GMDS: variants seen among roughly 807,000 people sequenced by gnomAD.
The protein encoded by GMDS is GDP-mannose 4,6 dehydratase.
GMDS carries 20 observed loss-of-function variants against 49.9 expected under a neutral mutation model. The observed-to-expected ratio is 0.40, with a 90% CI of 0.28 to 0.58. The LOEUF (loss-of-function observed/expected upper bound fraction) is 0.58, where lower values mean the gene tolerates loss of function less well. Among genes scored for constraint, GMDS ranks in the 20% least tolerant of loss-of-function variants. The pLI is 0.42. For missense variants in GMDS, 362 were observed against 481.4 expected (o/e 0.75, Z 2.32); for synonymous variants, 177 against 178.6 (o/e 0.99, Z 0.07).
intron 7 of GMDS, among the ~76,000 whole-genome samples, chr6:1,760,430 T>C (rs3800037): frequency 0.52 from 78,978 of 151,922 alleles, 20,689 homozygotes; most frequent in East Asian, 0.66. Context: ...AGCCAGCCAC[T>C]AAAATGATGG....
chr6:2,195,621 ATTT>A (rs1779243256), intron 1 of GMDS, among the ~76,000 whole-genome samples: 1 of 152,152 alleles, frequency 6.6e-6, no homozygotes, highest in East Asian at 1.9e-4. Flanking sequence ...TTACATGTTG[ATTT>A]CTTAGGTATT....
intron 1 of GMDS, among the ~76,000 whole-genome samples, chr6:2,178,855 T>C (rs1224898812): frequency 2.0e-5 from 3 of 152,220 alleles, no homozygotes; most frequent in African/African-American, 7.2e-5. Flanking sequence ...GATATTCTGA[T>C]GCCAAAACAT....
chr6:1,673,364 A>G lies in GMDS; in HGVS notation c.988-48824T>C, dbSNP rs1419914995. On this transcript the variant is annotated intron_variant, in intron 9 of 10. Coordinates refer to ENST00000380815, the MANE Select transcript of GMDS (RefSeq NM_001500.4). Reference sequence around the variant, plus strand: ...GACTTCTCCTCAGTTAGGTTACCAAAGGGCTTTTTTTTTTTTTAAATAGAC... The same window carrying G: ...GACTTCTCCTCAGTTAGGTTACCAAGGGGCTTTTTTTTTTTTTAAATAGAC... Among the ~76,000 whole-genome samples the G allele has an allele frequency of 4.3e-5, 6 of 140,762 alleles. No homozygotes were observed. In the East Asian group the frequency reaches 1.4e-3, roughly 34 times the overall value. 92.3% of individuals were successfully genotyped at this position (140,762 alleles called of 152,430 possible).
In GMDS at chr6:2,058,993, C is replaced by T. The variant is rs142602027; in HGVS notation, c.345+56778G>A. Among the ~76,000 whole-genome samples the T allele has an allele frequency of 4.8e-3, 733 of 151,876 alleles. 1 individual carries two copies. The highest frequency in any genetic ancestry group is 0.01 in the Middle Eastern group (3 of 294). On this transcript the variant is annotated intron_variant, in intron 4 of 10. Coordinates refer to ENST00000380815, the MANE Select transcript of GMDS (RefSeq NM_001500.4). ...GAGTTCAACACCAGCCTGGCCAACA[C>T]GGTGAAACCCCATCTCTACTAAAAA...
In GMDS at chr6:2,123,373, C is replaced by T. The variant is rs146131545; in HGVS notation, c.147+1314G>A. On this transcript the variant is annotated intron_variant, in intron 2 of 10. Transcript: ENST00000380815. Reference sequence around the variant, plus strand: ...AGCATCACTTCTGACATGCCTGACACGCCACCTCACTCTTCACAAGTGCAG... The same window carrying T: ...AGCATCACTTCTGACATGCCTGACATGCCACCTCACTCTTCACAAGTGCAG... 9.8e-3 allele frequency among the ~76,000 whole-genome samples: 1,486 copies of T among 152,208 alleles called. 89 individuals carry two copies. The highest frequency in any genetic ancestry group is 0.086 in the Admixed American group (1,316 of 15,298).
At chr6:1,996,494 T>C (rs1766289272) in intron 4 of GMDS, among the ~76,000 whole-genome samples, 1 of 152,248 alleles carries the variant, frequency 6.6e-6, no homozygotes. Context: ...TGAAGGTTTA[T>C]TTCTCTTTCA....
At chr6:1,730,747 C>T (rs988095941) in intron 8 of GMDS, among the ~76,000 whole-genome samples, 2 of 152,092 alleles carry the variant, frequency 1.3e-5, no homozygotes, top group Non-Finnish European at 2.9e-5. Flanking sequence ...TAAAAGGCCC[C>T]GTCAAGTCCT....
intron 4 of GMDS, among the ~76,000 whole-genome samples, chr6:2,067,721 G>C (rs918880736): frequency 2.0e-5 from 3 of 152,144 alleles, no homozygotes; most frequent in African/African-American, 7.2e-5. Flanking sequence ...CCAGGAAGAA[G>C]TTGAATCTCT....
At chr6:2,051,206 CT>C (rs1203940066) in intron 4 of GMDS, among the ~76,000 whole-genome samples, 2 of 152,204 alleles carry the variant, frequency 1.3e-5, no homozygotes, top group African/African-American at 4.8e-5. Flanking sequence ...ACATTCTCCC[CT>C]GGAGCCTCTA....
intron 1 of GMDS, among the ~76,000 whole-genome samples, chr6:2,172,528 T>C (rs530524524): frequency 5.9e-5 from 9 of 152,104 alleles, no homozygotes; most frequent in Admixed American, 5.9e-4. Context: ...CCATCTCTAC[T>C]AAAAATACCA....
At chr6:1,797,846 T>C (rs1769799427) in intron 7 of GMDS, among the ~76,000 whole-genome samples, 2 of 152,192 alleles carry the variant, frequency 1.3e-5, no homozygotes, top group Admixed American at 1.3e-4. Flanking sequence ...TCCTCTATAA[T>C]TACCAGATCC....
intron 7 of GMDS, among the ~76,000 whole-genome samples, chr6:1,782,809 T>C (rs1235447568): frequency 6.6e-6 from 1 of 152,252 alleles, no homozygotes; most frequent in Non-Finnish European, 1.5e-5. Flanking sequence ...TGAACTTGTC[T>C]AATTCTCAGA....
chr6:1,641,523 G>A (rs1173455942), intron 9 of GMDS, among the ~76,000 whole-genome samples: 3 of 152,234 alleles, frequency 2.0e-5, no homozygotes, highest in African/African-American at 7.2e-5. Flanking sequence ...AGAACCTGAA[G>A]GGCCACTGCG....
At chr6:2,175,691 C>T (rs1778249768) in intron 1 of GMDS, among the ~76,000 whole-genome samples, 2 of 152,190 alleles carry the variant, frequency 1.3e-5, no homozygotes, top group Admixed American at 6.5e-5. Context: ...GGTTTTAATA[C>T]ACGTACAAAG....
Position 2,170,766 on chromosome 6 carries a change from C to T in GMDS, c.103-46035G>A, listed in dbSNP as rs562104842. Among the ~76,000 whole-genome samples, 19 of 152,174 alleles carry T rather than the reference C, an allele frequency of 1.2e-4. No homozygotes were observed. The East Asian group carries it at 2.9e-3, about 23-fold the overall frequency. Reference sequence around the variant, plus strand: ...ATCCCAGCACTTTGGGAGGCCGAGGCGGGTGGATCACGAGGTCAGGAGATC... The same window carrying T: ...ATCCCAGCACTTTGGGAGGCCGAGGTGGGTGGATCACGAGGTCAGGAGATC... On this transcript the variant is annotated intron_variant, in intron 1 of 10. Transcript: ENST00000380815.
intron 4 of GMDS, among the ~76,000 whole-genome samples, chr6:2,042,096 C>G (rs1769719578): frequency 6.6e-6 from 1 of 152,154 alleles, no homozygotes; most frequent in Non-Finnish European, 1.5e-5. Context: ...TGTGGGAAAT[C>G]ATGACAAAAT....
chr6:1,994,345 T>C (rs929681883), intron 4 of GMDS, among the ~76,000 whole-genome samples: 3 of 152,162 alleles, frequency 2.0e-5, no homozygotes, highest in African/African-American at 7.2e-5. Context: ...TTAGGTGATA[T>C]TAACATCACT....
At chr6:1,817,215 T>C (rs1391038639) in intron 7 of GMDS, among the ~76,000 whole-genome samples, 3 of 151,962 alleles carry the variant, frequency 2.0e-5, no homozygotes. Context: ...CTGCATTTTC[T>C]TTTAACTTGG....
intron 1 of GMDS, among the ~76,000 whole-genome samples, chr6:2,138,570 G>A (rs981494328): frequency 6.6e-6 from 1 of 152,098 alleles, no homozygotes; most frequent in African/African-American, 2.4e-5. Flanking sequence ...TTGAAGGTGC[G>A]GTCTAGTGGG....
Sources: gnomAD v4.1 joint callset for allele counts (sites outside exome capture counted in the v4.1 genomes callset) on GRCh38, gnomAD v4.1.1 for gene constraint, MANE v1.5 for transcripts, NCBI Gene and HGNC (gene_info 2026-07-23, HGNC 2026-07-21) for gene names.